Variants in LRP2BP observed in about 807,000 individuals in gnomAD.
The protein encoded by LRP2BP is LRP2-binding protein.
In LRP2BP, 38 loss-of-function variants were observed where a neutral mutation model predicts 45.2. The observed-to-expected ratio is 0.84, with a 90% CI of 0.65 to 1.10. LRP2BP has a LOEUF of 1.10. Ranked by LOEUF, LRP2BP falls within the 50% of genes least tolerant of loss-of-function variation. LRP2BP has a pLI of 0.00. For missense variants in LRP2BP, 385 were observed against 418.9 expected, an observed-to-expected ratio of 0.92 and a Z score of 0.71; for synonymous variants, 153 against 153.9, an observed-to-expected ratio of 0.99 and a Z score of 0.04.
upstream of LRP2BP, chr4:185,396,481 A>T (rs1580030949): frequency 1.2e-5 from 2 of 164,620 alleles, no homozygotes; most frequent in Non-Finnish European, 1.3e-5. Context: ...AGCGCGCCTC[A>T]TGGCGGCCGC....
chr4:185,386,012 T>C (rs1301735849), intron 1 of LRP2BP, among the ~76,000 whole-genome samples: 6 of 152,082 alleles, frequency 3.9e-5, no homozygotes, highest in Admixed American at 3.9e-4. Context: ...AAGATACAGA[T>C]TTCAATTTAG....
chr4:185,378,541 A>G (rs1463964090), intron 1 of LRP2BP: 1 of 1,038,790 alleles, frequency 9.6e-7, no homozygotes, highest in African/African-American at 1.7e-5. Context: ...ACCTGGTGAC[A>G]CTGCCCACAG....
At chr4:185,391,280 G>A (rs2095487645) in intron 1 of LRP2BP, among the ~76,000 whole-genome samples, 1 of 152,190 alleles carries the variant, frequency 6.6e-6, no homozygotes, top group Non-Finnish European at 1.5e-5. Flanking sequence ...ACTTTCCACT[G>A]AGGATGTGAA....
chr4:185,378,188 C>CT lies in LRP2BP; in HGVS notation c.-3dup, dbSNP rs2126812610. On this transcript the variant is annotated 5_prime_UTR_variant, in exon 2 of 9. Transcript: ENST00000505916. Reference sequence around the variant, plus strand: ...CAACTTTTCACTGGTCAACTTCATCCTTTTTCTGCAATGTGTATTCTATAA... The same window carrying CT: ...CAACTTTTCACTGGTCAACTTCATCCTTTTTTCTGCAATGTGTATTCTATAA... 2 of 1,613,660 alleles carry CT rather than the reference C, an allele frequency of 1.2e-6. No homozygotes were observed. Among genetic ancestry groups the CT allele is most frequent in the East Asian group, 4.5e-5 (2 of 44,848 alleles).
intron 3 of LRP2BP, 49 bp downstream of exon 3, chr4:185,376,860 C>T (rs2126808353): frequency 1.5e-6 from 2 of 1,374,582 alleles, no homozygotes; most frequent in Non-Finnish European, 2.1e-6. Flanking sequence ...GTCTGAGGAT[C>T]TAACAACAGA....
Position 185,364,907 on chromosome 4 carries a change from G to A in LRP2BP, c.*2273C>T, listed in dbSNP as rs532020505. ...ACTGTAGCTGTTAAGTTTACATTGC[G>A]AATGAGAAAGATCACTATTATTTTG... On this transcript the variant is annotated 3_prime_UTR_variant, in exon 9 of 9. Transcript: ENST00000505916. 3.3e-5 allele frequency: 5 copies of A among 152,200 alleles called. No homozygotes were observed. Among genetic ancestry groups the A allele is most frequent in the East Asian group, 3.9e-4 (2 of 5,190 alleles). 9.4% of individuals were successfully genotyped at this position (152,200 alleles called of 1,614,324 possible).
At chr4:185,385,732 C>T (rs2095469168) in intron 1 of LRP2BP, among the ~76,000 whole-genome samples, 1 of 146,268 alleles carries the variant, frequency 6.8e-6, no homozygotes. Context: ...GAAACTCCGT[C>T]TCTACTAACA....
chr4:185,387,036 A>AG (rs965151012), intron 1 of LRP2BP, among the ~76,000 whole-genome samples: 1 of 152,194 alleles, frequency 6.6e-6, no homozygotes, highest in African/African-American at 2.4e-5. Flanking sequence ...ACCTGAGGTT[A>AG]GGAGTTCGAG....
rs1167899186 is a variant in LRP2BP at position 185,365,975 on chromosome 4, A to G, written c.*1205T>C. 6.6e-6 allele frequency: 1 copy of G among 152,208 alleles called. No individual in the cohort carries two copies. The highest frequency in any genetic ancestry group is 2.4e-5 in the African/African-American group (1 of 41,466). 9.4% of individuals were successfully genotyped at this position (152,208 alleles called of 1,614,324 possible). The stretch of plus-strand genomic sequence containing the variant: ...TGCCATTCAACAGTTCTTAGTGACT[A>G]TCACCTCCATATTAATTGCATTTTC... On this transcript the variant is annotated 3_prime_UTR_variant, in exon 9 of 9. Coordinates refer to ENST00000505916, the MANE Select transcript of LRP2BP (RefSeq NM_001377440.1).
At chr4:185,392,184 T>C (rs1025226878) in intron 1 of LRP2BP, among the ~76,000 whole-genome samples, 5 of 152,200 alleles carry the variant, frequency 3.3e-5, no homozygotes, top group Non-Finnish European at 5.9e-5. Flanking sequence ...AAGGAATATA[T>C]AACCAGGAGG....
upstream of LRP2BP, chr4:185,396,011 G>T (rs1351847787): frequency 1.5e-5 from 10 of 662,506 alleles, no homozygotes; most frequent in Non-Finnish European, 1.9e-5. Flanking sequence ...CAGCACCCGC[G>T]GGGCCGGACA....
At chr4:185,370,619 A>G (rs773121771) in intron 8 of LRP2BP, 21 bp downstream of exon 8, 7 of 1,606,334 alleles carry the variant, frequency 4.4e-6, no homozygotes, top group Non-Finnish European at 6.0e-6. Context: ...GGGTGAATTT[A>G]TATTTTGTTC....
intron 1 of LRP2BP, chr4:185,390,535 AAAAAG>A (rs1219247130): frequency 2.6e-5 from 4 of 151,954 alleles, no homozygotes; most frequent in Non-Finnish European, 5.9e-5. Context: ...AAAAAAAAGA[AAAAAG>A]AAAAAATATT....
At chr4:185,380,550 G>A (rs1265052213) in intron 1 of LRP2BP, among the ~76,000 whole-genome samples, 2 of 152,074 alleles carry the variant, frequency 1.3e-5, no homozygotes, top group Non-Finnish European at 2.9e-5. Flanking sequence ...CTCTATCTCT[G>A]TGTGTCCTCT....
intron 1 of LRP2BP, among the ~76,000 whole-genome samples, chr4:185,388,447 G>GCCTACCTACCTATCAATCATCTACCTA (rs142003599): frequency 0.82 from 123,076 of 149,530 alleles, 51,328 homozygotes; most frequent in East Asian, 0.88. Flanking sequence ...CTACCTATCT[G>GCCTACCTACCTATCAATCATCTACCTA]CCTACCTACC....
chr4:185,372,998 G>C lies in LRP2BP; in HGVS notation c.661C>G (p.Gln221Glu), dbSNP rs1283837650. 6.2e-7 allele frequency: 1 copy of C among 1,613,792 alleles called. No homozygotes were observed. Among genetic ancestry groups the C allele is most frequent in the Admixed American group, 1.7e-5 (1 of 59,990 alleles). ...GCTTCCGTATCCTGCCGGATGCCTT[G>C]TCCATACAAGTACATGAGCCCAAGT... is the stretch of plus-strand genomic sequence containing the variant. Reference protein sequence around the residue: ...GALGLMYLYGQGIRQDTEAAL... With the variant: ...GALGLMYLYGEGIRQDTEAAL... The change falls in exon 7 of 9, where the codon CAA becomes GAA. Residue 221 changes from glutamine to glutamate, a missense_variant. Gln to Glu is a conservative substitution (Grantham distance 29). Transcript: ENST00000505916.
At chr4:185,393,247 A>ATT (rs2095493083) in intron 1 of LRP2BP, among the ~76,000 whole-genome samples, 1 of 152,144 alleles carries the variant, frequency 6.6e-6, no homozygotes, top group Admixed American at 6.5e-5. Context: ...TTAGTTTTAC[A>ATT]TTATTTCACT....
At chr4:185,373,625 TG>T (rs1387475128) in intron 6 of LRP2BP, among the ~76,000 whole-genome samples, 2 of 152,196 alleles carry the variant, frequency 1.3e-5, no homozygotes, top group Non-Finnish European at 2.9e-5. Flanking sequence ...TGGCCTTAGT[TG>T]TTATGTGTCT....
At position 185,395,376 on chromosome 4, in the gene LRP2BP, TCCTGAAAATGAACTTCTGTGCAAA is replaced by T. The variant is rs1267431745; in HGVS notation, c.-643_-620del. The T allele has an allele frequency of 6.1e-6, 6 of 985,296 alleles. No homozygotes were observed. Among genetic ancestry groups the T allele is most frequent in the Non-Finnish European group, 7.2e-6 (6 of 829,928 alleles). 61.0% of individuals were successfully genotyped at this position (985,296 alleles called of 1,614,324 possible). ...CTGATACCCTTTATTAGTTAGGAAT[TCCTGAAAATGAACTTCTGTGCAAA>T]CCTGAAGCTTCAACACGTGTTTTAA... On this transcript the variant is annotated 5_prime_UTR_variant, in exon 1 of 9. Coordinates refer to ENST00000505916, the MANE Select transcript of LRP2BP (RefSeq NM_001377440.1).
Sources: gnomAD v4.1 joint callset for allele counts (sites outside exome capture counted in the v4.1 genomes callset) on GRCh38, gnomAD v4.1.1 for gene constraint, MANE v1.5 for transcripts, NCBI Gene and HGNC (gene_info 2026-07-23, HGNC 2026-07-21) for gene names.